STK32B: variants seen among roughly 807,000 people sequenced by gnomAD.
STK32B encodes serine/threonine-protein kinase 32B.
A neutral mutation model predicts 52.6 loss-of-function variants in STK32B; 43 were observed. That is an observed-to-expected ratio of 0.82 (90% CI 0.64 to 1.05). The LOEUF (loss-of-function observed/expected upper bound fraction) is 1.05, where lower values mean the gene tolerates loss of function less well. Among genes scored for constraint, STK32B ranks in the 50% least tolerant of loss-of-function variants. The pLI, the probability that STK32B is intolerant of heterozygous loss-of-function variation, is 0.00. For synonymous variants in STK32B, 238 were observed against 204.3 expected (o/e 1.17, Z -1.41); for missense variants, 621 against 534.6 (o/e 1.16, Z -1.59).
intron 4 of STK32B, among the ~76,000 whole-genome samples, chr4:5,384,670 G>A (rs1195952588): frequency 6.6e-6 from 1 of 152,184 alleles, no homozygotes; most frequent in Non-Finnish European, 1.5e-5. Flanking sequence ...TCGAGGATGT[G>A]GGAAGGCGTG....
At chr4:5,296,480 C>T (rs1310482929) in intron 3 of STK32B, among the ~76,000 whole-genome samples, 1 of 152,168 alleles carries the variant, frequency 6.6e-6, no homozygotes, top group Non-Finnish European at 1.5e-5. Context: ...GGATAGTTAG[C>T]TCTTCTTGTT....
At chr4:5,440,529 A>G (rs1183722370) in intron 6 of STK32B, among the ~76,000 whole-genome samples, 1 of 152,198 alleles carries the variant, frequency 6.6e-6, no homozygotes, top group Non-Finnish European at 1.5e-5. Context: ...TTTTCTAGAT[A>G]TACAATCATG....
chr4:5,351,165 C>A (rs1470302418), intron 4 of STK32B, among the ~76,000 whole-genome samples: 1 of 152,054 alleles, frequency 6.6e-6, no homozygotes, highest in African/African-American at 2.4e-5. Context: ...CCATTTCATC[C>A]AACAGCTACA....
intron 4 of STK32B, among the ~76,000 whole-genome samples, chr4:5,351,055 T>C (rs986457482): frequency 1.3e-5 from 2 of 151,870 alleles, no homozygotes; most frequent in Non-Finnish European, 2.9e-5. Context: ...ATTAGACATA[T>C]CACTTAGACT....
chr4:5,127,870 G>A (rs554794147), intron 1 of STK32B, among the ~76,000 whole-genome samples: 20 of 151,762 alleles, frequency 1.3e-4, no homozygotes, highest in African/African-American at 4.1e-4. Flanking sequence ...AGCTGTTCTC[G>A]TGATAGTAAA....
At chr4:5,317,172 CATATA>C (rs1453239648) in intron 3 of STK32B, among the ~76,000 whole-genome samples, 9 of 49,976 alleles carry the variant, frequency 1.8e-4, no homozygotes, top group South Asian at 5.7e-4. Context: ...ATATATATAA[CATATA>C]ATATATATAT....
At chr4:5,229,353 A>G (rs1159072190) in intron 3 of STK32B, among the ~76,000 whole-genome samples, 1 of 152,268 alleles carries the variant, frequency 6.6e-6, no homozygotes, top group African/African-American at 2.4e-5. Flanking sequence ...CCTCACCACT[A>G]CGTAATGTAT....
At chr4:5,136,876 C>T (rs942804965) in intron 1 of STK32B, among the ~76,000 whole-genome samples, 6 of 152,128 alleles carry the variant, frequency 3.9e-5, no homozygotes, top group Non-Finnish European at 7.4e-5. Flanking sequence ...AGGCCGTGTG[C>T]TCAAAGTCAT....
chr4:5,316,892 T>C (rs1385977334), intron 3 of STK32B, among the ~76,000 whole-genome samples: 2 of 6,160 alleles, frequency 3.2e-4, no homozygotes, highest in East Asian at 0.012. Flanking sequence ...TTATATATAT[T>C]ATATATAATA....
intron 3 of STK32B, among the ~76,000 whole-genome samples, chr4:5,269,921 G>T (rs937591001): frequency 6.6e-6 from 1 of 152,096 alleles, no homozygotes; most frequent in African/African-American, 2.4e-5. Flanking sequence ...ATAATAGTGA[G>T]ATTTATACCA....
intron 3 of STK32B, among the ~76,000 whole-genome samples, chr4:5,276,078 C>G (rs1042547705): frequency 1.3e-5 from 2 of 152,092 alleles, no homozygotes; most frequent in African/African-American, 4.8e-5. Context: ...CACCTGAGGT[C>G]AGGAGTTCAA....
chr4:5,204,040 C>G (rs1722365605), intron 3 of STK32B: 1 of 152,298 alleles, frequency 6.6e-6, no homozygotes, highest in Non-Finnish European at 1.5e-5. Flanking sequence ...GAGGCTGGGT[C>G]TTGCTTGACA....
the STK32B span, among the ~76,000 whole-genome samples, chr4:5,043,532 C>T: frequency 6.6e-6 from 1 of 152,356 alleles, no homozygotes; most frequent in East Asian, 1.9e-4. Context: ...AGCTCCTGCT[C>T]TGCTTCCATG....
intron 3 of STK32B, among the ~76,000 whole-genome samples, chr4:5,241,648 C>A (rs1224640498): frequency 6.6e-6 from 1 of 151,874 alleles, no homozygotes. Flanking sequence ...CATATGTATA[C>A]ATGTGCCATG....
chr4:5,153,909 C>G (rs540602821), intron 2 of STK32B, among the ~76,000 whole-genome samples: 19 of 152,200 alleles, frequency 1.2e-4, no homozygotes, highest in African/African-American at 4.1e-4. Flanking sequence ...GATGGCAATT[C>G]TCTGCAAACT....
At chr4:5,042,283 C>G in the STK32B span, among the ~76,000 whole-genome samples, 1 of 152,182 alleles carries the variant, frequency 6.6e-6, no homozygotes, top group African/African-American at 2.4e-5. Context: ...TCTCCATAGT[C>G]TACGTTCTGG....
At chr4:5,492,243 C>G (rs1195816818) in intron 11 of STK32B, among the ~76,000 whole-genome samples, 1 of 152,176 alleles carries the variant, frequency 6.6e-6, no homozygotes, top group East Asian at 1.9e-4. Context: ...TTTGTATCCT[C>G]TTTTATTTCA....
chr4:5,024,702 G>A, the STK32B span, among the ~76,000 whole-genome samples: 2 of 152,202 alleles, frequency 1.3e-5, no homozygotes, highest in African/African-American at 2.4e-5. Flanking sequence ...CACCCTCTGC[G>A]ACAGGCCTTC....
At chr4:5,118,514 A>T (rs1373920440) in intron 1 of STK32B, among the ~76,000 whole-genome samples, 1 of 152,216 alleles carries the variant, frequency 6.6e-6, no homozygotes, top group Non-Finnish European at 1.5e-5. Flanking sequence ...CTCATCAGGC[A>T]TGGCTGCAGG....
Sources: gnomAD v4.1 joint callset for allele counts (sites outside exome capture counted in the v4.1 genomes callset) on GRCh38, gnomAD v4.1.1 for gene constraint, MANE v1.5 for transcripts, NCBI Gene and HGNC (gene_info 2026-07-23, HGNC 2026-07-21) for gene names.